Variants in ERH observed in about 807,000 individuals in gnomAD.
The protein encoded by ERH is ERH mRNA splicing and mitosis factor, also known as enhancer of rudimentary homolog.
ERH carries 1 observed loss-of-function variant against 16.8 expected under a neutral mutation model. The observed-to-expected ratio is 0.06, with a 90% CI of 0.02 to 0.28. ERH has a LOEUF of 0.28. Ranked by LOEUF, ERH falls within the 10% of genes least tolerant of loss-of-function variation. The pLI is 1.00. For synonymous variants in ERH, 43 were observed against 43.6 expected, an observed-to-expected ratio of 0.99 and a Z score of 0.05; for missense variants, 42 against 127.5, an observed-to-expected ratio of 0.33 and a Z score of 3.23.
chr14:69,398,023 G>A, intron 1 of ERH: 1 of 641,174 alleles, frequency 1.6e-6, no homozygotes, highest in South Asian at 1.9e-5. Flanking sequence ...GCAGGCGGGC[G>A]CGCAACCGCA....
intron 3 of ERH, among the ~76,000 whole-genome samples, chr14:69,384,435 G>C (rs2140229233): frequency 6.6e-6 from 1 of 152,312 alleles, no homozygotes; most frequent in South Asian, 2.1e-4. Flanking sequence ...TTCAAACCCA[G>C]CTATGTCTAA....
intron 2 of ERH, among the ~76,000 whole-genome samples, chr14:69,392,995 G>GA (rs973228361): frequency 1.3e-5 from 2 of 152,096 alleles, no homozygotes; most frequent in African/African-American, 4.8e-5. Flanking sequence ...AAGAGATGAA[G>GA]AAAAAAATGC....
chr14:69,396,022 C>T (rs1882324403), intron 1 of ERH, among the ~76,000 whole-genome samples: 1 of 152,182 alleles, frequency 6.6e-6, no homozygotes, highest in Non-Finnish European at 1.5e-5. Flanking sequence ...TTACAAATGT[C>T]CCTTGGGGAG....
Sources: allele counts gnomAD v4.1 joint callset (sites outside exome capture counted in the v4.1 genomes callset), GRCh38; gene constraint gnomAD v4.1.1; transcripts MANE v1.5; gene names NCBI Gene and HGNC (gene_info 2026-07-23, HGNC 2026-07-21).